The following ANKRD13D variants were observed in gnomAD, a reference collection of about 807,000 sequenced individuals.
ANKRD13D encodes ankyrin repeat domain-containing protein 13D.
ANKRD13D carries 24 observed loss-of-function variants against 68.8 expected under a neutral mutation model. The observed-to-expected ratio is 0.35, with a 90% CI of 0.25 to 0.49. The LOEUF is 0.49. Ranked by LOEUF, ANKRD13D falls within the 20% of genes least tolerant of loss-of-function variation. The pLI is 0.99. For missense variants in ANKRD13D, 735 were observed against 832.1 expected (o/e 0.88, Z 1.44); for synonymous variants, 331 against 336.1 (o/e 0.98, Z 0.16).
chr11:67,292,691 C>T (rs1345329852), intron 6 of ANKRD13D, among the ~76,000 whole-genome samples: 1 of 151,926 alleles, frequency 6.6e-6, no homozygotes. Flanking sequence ...CCATTTAAAG[C>T]ATACAGTTCA....
At position 67,301,097 on chromosome 11, in the gene ANKRD13D, T is replaced by A; in HGVS notation, c.1181T>A (p.Leu394Gln). 1 of 1,614,080 alleles carries A rather than the reference T, an allele frequency of 6.2e-7. No homozygotes were observed. The highest frequency in any genetic ancestry group is 8.5e-7 in the Non-Finnish European group (1 of 1,180,016). ...ATCAGCAACGCTCACTTTGCCAAGC[T>A]GCGCGACTTCATCACTCTGCGCCTT... ...MAISNAHFAK[L>Q]RDFITLRLPP... Residue 394 changes from leucine to glutamine, a missense_variant, in exon 11 of 15, where the codon CTG (leucine) becomes CAG (glutamine). Leu to Gln is a moderately radical substitution (Grantham distance 113, BLOSUM62 -2). Transcript: ENST00000511455. The surrounding 1 kb of genome is among the most constrained non-coding windows in gnomAD (Gnocchi z 4.5).
rs1554970983 is a variant in ANKRD13D at position 67,300,824 on chromosome 11, C to T, written c.1074-166C>T. The T allele has an allele frequency of 2.3e-6, 2 of 854,596 alleles. No homozygotes were observed. Among genetic ancestry groups the T allele is most frequent in the Non-Finnish European group, 3.5e-6 (2 of 570,392 alleles). The allele number at this position is 854,596 out of a possible 1,614,324, so 52.9% of individuals were successfully genotyped here. On this transcript the variant is annotated intron_variant, in intron 10 of 14. Transcript: ENST00000511455. This position sits in a 1 kb window ranked among gnomAD's most constrained non-coding sequence, Gnocchi z 4.3. ...AGGAGGGCAGCTTGGGCCACGTGGCCAGGACACCAGCTCCCGGGGGAGGCG... is the reference window on the plus strand; with the variant it reads ...AGGAGGGCAGCTTGGGCCACGTGGCTAGGACACCAGCTCCCGGGGGAGGCG...
Position 67,301,975 on chromosome 11 carries a change from G to A in ANKRD13D, c.1605-144G>A. ...TGCCACCAAAGGTGGTGTGAGGGGT[G>A]GGGAAGCAGGGCCCTGCCTTGTCTC... is the stretch of plus-strand genomic sequence containing the variant. On this transcript the variant is annotated intron_variant, in intron 14 of 14. Transcript: ENST00000511455. This position sits in a 1 kb window ranked among gnomAD's most constrained non-coding sequence, Gnocchi z 4.5. 7.5e-7 allele frequency: 1 copy of A among 1,336,516 alleles called. No homozygotes were observed. Among genetic ancestry groups the A allele is most frequent in the South Asian group, 1.5e-5 (1 of 66,624 alleles). 82.8% of individuals were successfully genotyped at this position (1,336,516 alleles called of 1,614,324 possible).
intron 6 of ANKRD13D, among the ~76,000 whole-genome samples, chr11:67,297,220 C>CT (rs1270909837): frequency 6.6e-6 from 1 of 151,956 alleles, no homozygotes; most frequent in Non-Finnish European, 1.5e-5. Flanking sequence ...CATGTCTTTT[C>CT]TTTTTTTGAC....
chr11:67,293,655 T>A (rs1490054299), intron 6 of ANKRD13D, among the ~76,000 whole-genome samples: 1 of 152,196 alleles, frequency 6.6e-6, no homozygotes, highest in Non-Finnish European at 1.5e-5. Flanking sequence ...CAGCTAATTT[T>A]TAAATTATTT....
At position 67,301,821 on chromosome 11, in the gene ANKRD13D, G is replaced by A. The variant is rs756965841; in HGVS notation, c.1602G>A (p.Glu534=). Residue 534 remains glutamate (E), a splice_region_variant and synonymous_variant, in exon 14 of 15, where the codon GAG becomes GAA. Coordinates refer to ENST00000511455, the MANE Select transcript of ANKRD13D (RefSeq NM_207354.3). The surrounding 1 kb of genome is among the most constrained non-coding windows in gnomAD (Gnocchi z 4.5). ...ATVYEEQLQL[E]RALQESLQLS... ...TTTATGAGGAACAGCTTCAGCTGGA[G>A]CGGTGAGCCCCTCATGGGGCTGGCT... 1 of 1,593,302 alleles carries A rather than the reference G, an allele frequency of 6.3e-7. No homozygotes were observed. Among genetic ancestry groups the A allele is most frequent in the East Asian group, 2.3e-5 (1 of 44,234 alleles).
intron 14 of ANKRD13D, 87 bp from the exon 15 acceptor site, chr11:67,302,032 C>T (rs1338645711): frequency 6.9e-7 from 1 of 1,445,312 alleles, no homozygotes; most frequent in Admixed American, 2.7e-5. Flanking sequence ...TGCCTTTGTC[C>T]TCCAAAGCCG....
intron 6 of ANKRD13D, among the ~76,000 whole-genome samples, chr11:67,293,717 T>C (rs376389455): frequency 6.6e-6 from 1 of 152,316 alleles, no homozygotes; most frequent in African/African-American, 2.4e-5. Flanking sequence ...TTTGTAGAGA[T>C]AGAGTCTACA....
In ANKRD13D at chr11:67,301,567, C is replaced by T. The variant is rs750239211; in HGVS notation, c.1428C>T (p.Asn476=). The change falls in exon 13 of 15, where the codon AAC becomes AAT. Residue 476 remains asparagine, a synonymous_variant. Coordinates refer to ENST00000511455, the MANE Select transcript of ANKRD13D (RefSeq NM_207354.3). The surrounding 1 kb of genome is among the most constrained non-coding windows in gnomAD (Gnocchi z 4.5). ...ACAGCGTGCTGGGCATGGAGCGCAACGAGCCCCTCCGGGACGAGGACGATG... is the reference window on the plus strand; with the variant it reads ...ACAGCGTGCTGGGCATGGAGCGCAATGAGCCCCTCCGGGACGAGGACGATG... ...NGYSVLGMER[N]EPLRDEDDDL... The T allele has an allele frequency of 3.7e-5, 60 of 1,612,842 alleles. No individual in the cohort carries two copies. Among genetic ancestry groups the T allele is most frequent in the Non-Finnish European group, 4.4e-5 (52 of 1,180,026 alleles).
intron 6 of ANKRD13D, chr11:67,298,776 G>A: frequency 2.2e-6 from 1 of 457,602 alleles, no homozygotes. Context: ...AAATGCTTCT[G>A]CACAATTCTA....
At chr11:67,291,335 G>A in intron 3 of ANKRD13D, 141 bp from the exon 4 acceptor site, 2 of 937,186 alleles carry the variant, frequency 2.1e-6, no homozygotes, top group Non-Finnish European at 3.1e-6. Context: ...TCCAGCCTGG[G>A]TGACAGAGCA....
Position 67,299,378 on chromosome 11 carries a change from C to T in ANKRD13D, c.799-152C>T. On this transcript the variant is annotated intron_variant, in intron 7 of 14. Coordinates refer to ENST00000511455, the MANE Select transcript of ANKRD13D (RefSeq NM_207354.3). This position sits in a 1 kb window ranked among gnomAD's most constrained non-coding sequence, Gnocchi z 6.2. ...TGGGGCTGCATCTCCTCGTTGGTGACTTCCTGGGGTTCAGACCCTGCCACC... is the reference window on the plus strand; with the variant it reads ...TGGGGCTGCATCTCCTCGTTGGTGATTTCCTGGGGTTCAGACCCTGCCACC... 1.3e-6 allele frequency: 1 copy of T among 743,314 alleles called. No individual in the cohort carries two copies. Among genetic ancestry groups the T allele is most frequent in the Non-Finnish European group, 2.2e-6 (1 of 450,072 alleles). 46.0% of individuals were successfully genotyped at this position (743,314 alleles called of 1,614,324 possible).
At position 67,290,092 on chromosome 11, in the gene ANKRD13D, G is replaced by A; in HGVS notation, c.105G>A (p.Gln35=). ...ALHSHQHDIE[Q]EDPRGRTPLE... is the part of the protein sequence containing the mutation. ...GTCTCCCCCAGCACGACATTGAACA[G>A]GAGGACCCCCGCGGGCGGACCCCAC... The change falls in exon 2 of 15, where the codon CAG becomes CAA. Residue 35 remains glutamine (Q), a synonymous_variant. Coordinates refer to ENST00000511455, the MANE Select transcript of ANKRD13D (RefSeq NM_207354.3). 1 of 1,537,162 alleles carries A rather than the reference G, an allele frequency of 6.5e-7. No individual in the cohort carries two copies. Among genetic ancestry groups the A allele is most frequent in the Non-Finnish European group, 8.7e-7 (1 of 1,146,888 alleles).
rs374492688 is a variant in ANKRD13D at position 67,292,219 on chromosome 11, C to T, written c.731+39C>T. 134 of 1,543,396 alleles carry T rather than the reference C, an allele frequency of 8.7e-5. 1 individual carries two copies. Among genetic ancestry groups the T allele is most frequent in the South Asian group, 5.8e-4 (49 of 84,316 alleles). On this transcript the variant is annotated intron_variant, in intron 6 of 14. Coordinates refer to ENST00000511455, the MANE Select transcript of ANKRD13D (RefSeq NM_207354.3). ...TGGCACACCGTGGGTGGGATGGGGA[C>T]GGATAGCAAGAGCCACCATTAATGA...
chr11:67,302,383 TTTA>T lies in ANKRD13D; in HGVS notation c.*54_*56del, dbSNP rs767040226. The T allele has an allele frequency of 9.0e-6, 13 of 1,445,402 alleles. No individual in the cohort carries two copies. The highest frequency in any genetic ancestry group is 1.2e-5 in the Non-Finnish European group (13 of 1,094,018). 89.5% of individuals were successfully genotyped at this position (1,445,402 alleles called of 1,614,324 possible). On this transcript the variant is annotated 3_prime_UTR_variant, in exon 15 of 15. Coordinates refer to ENST00000511455, the MANE Select transcript of ANKRD13D (RefSeq NM_207354.3). ...GGCCACTCCCTGCCCGCTTTTGTAA[TTTA>T]TTTATTTATAAACTCTCTGCTGCTG...
chr11:67,299,886 G>T lies in ANKRD13D; in HGVS notation c.940G>T (p.Gly314Trp). The T allele has an allele frequency of 6.5e-7, 1 of 1,546,222 alleles. No individual in the cohort carries two copies. The highest frequency in any genetic ancestry group is 8.7e-7 in the Non-Finnish European group (1 of 1,145,148). Residue 314 changes from glycine to tryptophan, a missense_variant and splice_region_variant, in exon 9 of 15, where the codon GGG (glycine) becomes TGG (tryptophan). By Grantham distance (184) the Gly-to-Trp change is radical. Transcript: ENST00000511455. This position sits in a 1 kb window ranked among gnomAD's most constrained non-coding sequence, Gnocchi z 6.2. The part of the protein sequence containing the change: ...GMAQQHSSHT[G>W]APVQQAASPT... The stretch of plus-strand genomic sequence containing the variant: ...GGCGCAGCAGCATTCCTCCCACACC[G>T]GGGTGAGCCGGGGCTGGGCCGAGAC...
In ANKRD13D at chr11:67,289,797, C is replaced by G. The variant is rs182751905; in HGVS notation, c.90+247C>G. The G allele has an allele frequency of 7.4e-5, 106 of 1,423,050 alleles. No homozygotes were observed. The East Asian group carries it at 2.4e-3, about 32-fold the overall frequency. The allele number at this position is 1,423,050 out of a possible 1,614,324, so 88.2% of individuals were successfully genotyped here. ...GCTTCCGCATCCTTGCTGACCCAAG[C>G]TGAGAACAAGAACTCTGGTCCTGGT... On this transcript the variant is annotated intron_variant, in intron 1 of 14. Coordinates refer to ENST00000511455, the MANE Select transcript of ANKRD13D (RefSeq NM_207354.3).
rs1860559469 is a variant in ANKRD13D at position 67,291,706 on chromosome 11, C to G, written c.501C>G (p.Thr167=). 2 of 1,614,000 alleles carry G rather than the reference C, an allele frequency of 1.2e-6. No individual in the cohort carries two copies. Among genetic ancestry groups the G allele is most frequent in the Non-Finnish European group, 1.7e-6 (2 of 1,180,046 alleles). The change falls in exon 5 of 15, where the codon ACC becomes ACG. Residue 167 remains threonine (T), a synonymous_variant. Transcript: ENST00000511455. ...GTCTCCTGGGCTTCGAGCACATGAC[C>G]TGGCAGCGGGGCCGGAGGAGCTTCA... The part of the protein sequence containing the change: ...DTSLLGFEHM[T]WQRGRRSFIF...
chr11:67,291,959 C>T lies in ANKRD13D; in HGVS notation c.542-32C>T, dbSNP rs529766998. 7.1e-6 allele frequency: 11 copies of T among 1,547,146 alleles called. No individual in the cohort carries two copies. In the East Asian group the frequency reaches 1.4e-4, roughly 19 times the overall value. On this transcript the variant is annotated intron_variant, in intron 5 of 14. Transcript: ENST00000511455. ...ACTGCTGGCGCCCAGCACTGATTTG[C>T]GCCCCCTCTGTCCACCCCTACCGGC...
Sources: gnomAD v4.1 joint callset for allele counts (sites outside exome capture counted in the v4.1 genomes callset) on GRCh38, gnomAD v4.1.1 for gene constraint, Gnocchi (gnomAD v3.1) non-coding constraint, MANE v1.5 for transcripts, NCBI Gene and HGNC (gene_info 2026-07-23, HGNC 2026-07-21) for gene names.